The following CLNK variants were observed in gnomAD, a reference collection of about 807,000 sequenced individuals.
CLNK encodes cytokine-dependent hematopoietic cell linker.
CLNK carries 74 observed loss-of-function variants against 68.6 expected under a neutral mutation model. That is an observed-to-expected ratio of 1.08 (90% CI 0.89 to 1.31). CLNK has a LOEUF of 1.31. Ranked by LOEUF, CLNK falls within the 50% of genes most tolerant of loss-of-function variation. The probability of loss-of-function intolerance (pLI) is 0.00; values close to 1 mark genes in which losing one functional copy is unlikely to be tolerated. For synonymous variants in CLNK, 198 were observed against 172.2 expected (o/e 1.15, Z -1.17); for missense variants, 553 against 515.3 (o/e 1.07, Z -0.71).
chr4:10,534,780 G>A (rs1718673925), intron 11 of CLNK, among the ~76,000 whole-genome samples: 1 of 152,112 alleles, frequency 6.6e-6, no homozygotes, highest in Non-Finnish European at 1.5e-5. Context: ...GCAGTTGTAA[G>A]AAATAATACA....
intron 2 of CLNK, among the ~76,000 whole-genome samples, chr4:10,645,478 T>A (rs756389120): frequency 1.3e-5 from 2 of 152,198 alleles, no homozygotes; most frequent in Admixed American, 6.5e-5. Flanking sequence ...TCTCCATGCT[T>A]AAATAGAAAT....
the CLNK span, among the ~76,000 whole-genome samples, chr4:10,718,611 T>G: frequency 6.7e-6 from 1 of 149,754 alleles, no homozygotes; most frequent in South Asian, 2.1e-4. Context: ...AAAAAAAAAC[T>G]AGAAGAATTC....
Position 10,515,610 on chromosome 4 carries a change from G to A in CLNK, c.773-2013C>T, listed in dbSNP as rs749362827. On this transcript the variant is annotated intron_variant, in intron 15 of 18. Transcript: ENST00000226951. The stretch of plus-strand genomic sequence containing the variant: ...GCCTGACACCTCATGGAAAACAAGC[G>A]GCAGTATCTGTTACTGATCACAAAA... Among the ~76,000 whole-genome samples, 5 of 152,198 alleles carry A rather than the reference G, an allele frequency of 3.3e-5. No homozygotes were observed. In the South Asian group the frequency reaches 8.3e-4, roughly 25 times the overall value.
intron 13 of CLNK, 35 bp downstream of exon 13, chr4:10,528,041 G>C: frequency 8.2e-7 from 1 of 1,225,844 alleles, no homozygotes; most frequent in East Asian, 2.8e-5. Context: ...TAGTCTATTA[G>C]TATTAGGGTA....
At chr4:10,528,364 C>T (rs1718404785) in intron 12 of CLNK, among the ~76,000 whole-genome samples, 1 of 152,158 alleles carries the variant, frequency 6.6e-6, no homozygotes, top group Non-Finnish European at 1.5e-5. Context: ...AGGAATTTAC[C>T]ATAATTATCA....
At chr4:10,531,734 C>G (rs1352786481) in intron 12 of CLNK, 1 of 456,662 alleles carries the variant, frequency 2.2e-6, no homozygotes, top group African/African-American at 2.0e-5. Context: ...AGCCACTGCA[C>G]CTGGCCCCCA....
chr4:10,613,671 C>T (rs1271964661), intron 2 of CLNK, among the ~76,000 whole-genome samples: 4 of 152,112 alleles, frequency 2.6e-5, no homozygotes, highest in African/African-American at 7.2e-5. Context: ...AGCAGAGAGA[C>T]CCTTTGGGAA....
chr4:10,558,853 G>T (rs974926657), intron 7 of CLNK, among the ~76,000 whole-genome samples: 9 of 152,260 alleles, frequency 5.9e-5, no homozygotes, highest in Admixed American at 1.3e-4. Context: ...GCAGGTCAGG[G>T]TATGGCCTCA....
chr4:10,596,684 A>T (rs1721400240), intron 3 of CLNK, among the ~76,000 whole-genome samples: 1 of 151,992 alleles, frequency 6.6e-6, no homozygotes, highest in Middle Eastern at 3.4e-3. Flanking sequence ...GTTTTTTTTT[A>T]AATTTAGGTT....
the CLNK span, among the ~76,000 whole-genome samples, chr4:10,717,148 A>G: frequency 2.6e-5 from 4 of 152,344 alleles, no homozygotes; most frequent in African/African-American, 9.6e-5. Flanking sequence ...GAAGCTGAGC[A>G]GGAAACTAGA....
At chr4:10,666,730 G>A (rs1194671118) in intron 2 of CLNK, among the ~76,000 whole-genome samples, 1 of 152,206 alleles carries the variant, frequency 6.6e-6, no homozygotes, top group Admixed American at 6.5e-5. Context: ...ATTCTCACTC[G>A]GGTGAGGAGC....
At position 10,639,063 on chromosome 4, in the gene CLNK, G is replaced by A. The variant is rs368171362; in HGVS notation, c.11+28796C>T. ...GGACACAGTTTGGCTCATATCAGAC[G>A]CCTTCCAGAAGACATCTTTTAAGAC... On this transcript the variant is annotated intron_variant, in intron 2 of 18. Coordinates refer to ENST00000226951, the MANE Select transcript of CLNK (RefSeq NM_052964.4). Among the ~76,000 whole-genome samples, 724 of 152,274 alleles carry A rather than the reference G, an allele frequency of 4.8e-3. 5 individuals carry two copies. The highest frequency in any genetic ancestry group is 0.016 in the African/African-American group (667 of 41,558).
intron 2 of CLNK, among the ~76,000 whole-genome samples, chr4:10,661,437 T>C (rs1314767304): frequency 1.3e-5 from 2 of 152,264 alleles, no homozygotes; most frequent in African/African-American, 4.8e-5. Context: ...TTAATCACTA[T>C]GTCTTATGAT....
chr4:10,699,185 T>C, the CLNK span, among the ~76,000 whole-genome samples: 3 of 72,266 alleles, frequency 4.2e-5, no homozygotes, highest in Non-Finnish European at 9.4e-5. Flanking sequence ...TCTTTCTCTC[T>C]CTCTCTGTCT....
intron 14 of CLNK, among the ~76,000 whole-genome samples, chr4:10,525,351 C>T (rs1470442925): frequency 6.6e-6 from 1 of 152,142 alleles, no homozygotes; most frequent in African/African-American, 2.4e-5. Context: ...AGGCGTGAGC[C>T]ACCGCGCCCG....
At position 10,490,572 on chromosome 4, in the gene CLNK, A is replaced by G. The variant is rs746603600; in HGVS notation, c.1182T>C (p.Asn394=). The G allele has an allele frequency of 4.4e-6, 7 of 1,591,210 alleles. No individual in the cohort carries two copies. The highest frequency in any genetic ancestry group is 3.3e-4 in the Middle Eastern group (2 of 6,040). The stretch of plus-strand genomic sequence containing the variant: ...TCCCATCAATTAGTATAATGGGAAA[A>G]TTCTTGTAGTGTTCGATGATGTCTT... The part of the protein sequence containing the change: ...SVEDIIEHYK[N]FPIILIDGKD... Residue 394 remains asparagine, a synonymous_variant, in exon 19 of 19, where the codon AAT becomes AAC. Transcript: ENST00000226951.
chr4:10,566,757 G>A (rs1476643629), intron 5 of CLNK, among the ~76,000 whole-genome samples: 3 of 152,146 alleles, frequency 2.0e-5, no homozygotes, highest in Non-Finnish European at 4.4e-5. Context: ...GCTGAGGTAG[G>A]AGGATTGCTG....
chr4:10,640,076 A>G (rs1723249764), intron 2 of CLNK, among the ~76,000 whole-genome samples: 1 of 152,220 alleles, frequency 6.6e-6, no homozygotes, highest in African/African-American at 2.4e-5. Flanking sequence ...TTTCAACACA[A>G]TAAGTATGCT....
intron 4 of CLNK, among the ~76,000 whole-genome samples, chr4:10,583,325 C>A (rs969747122): frequency 3.3e-5 from 5 of 152,048 alleles, no homozygotes; most frequent in Non-Finnish European, 7.4e-5. Context: ...TCGTCCACAG[C>A]GCCCAGGCTG....
Sources: allele counts gnomAD v4.1 joint callset (sites outside exome capture counted in the v4.1 genomes callset), GRCh38; gene constraint gnomAD v4.1.1; transcripts MANE v1.5; gene names NCBI Gene and HGNC (gene_info 2026-07-23, HGNC 2026-07-21).